The following DPYS variants were observed in gnomAD, a reference collection of about 807,000 sequenced individuals.
DPYS encodes dihydropyrimidine amidohydrolase.
In DPYS, 39 loss-of-function variants were observed where a neutral mutation model predicts 50.3. The observed-to-expected ratio is 0.78, with a 90% confidence interval of 0.60 to 1.01. The LOEUF (loss-of-function observed/expected upper bound fraction) is 1.01. Among genes scored for constraint, DPYS ranks in the 50% least tolerant of loss-of-function variants. The pLI is 0.00. For missense variants in DPYS, 659 were observed against 680.9 expected (o/e 0.97, Z 0.36); for synonymous variants, 245 against 250.7 (o/e 0.98, Z 0.22).
chr8:104,399,755 G>C (rs1374110422), intron 7 of DPYS, among the ~76,000 whole-genome samples: 1 of 148,970 alleles, frequency 6.7e-6, no homozygotes, highest in Non-Finnish European at 1.5e-5. Flanking sequence ...TGTAGTCCCA[G>C]GTACTTGGGA....
intron 4 of DPYS, among the ~76,000 whole-genome samples, chr8:104,440,047 A>T (rs747160501): frequency 4.6e-5 from 7 of 152,194 alleles, no homozygotes; most frequent in Non-Finnish European, 1.0e-4. Context: ...TATTATGACA[A>T]TTTTTTAAAA....
At chr8:104,390,135 T>C (rs1429611950) in intron 8 of DPYS, among the ~76,000 whole-genome samples, 1 of 152,206 alleles carries the variant, frequency 6.6e-6, no homozygotes, top group East Asian at 1.9e-4. Context: ...GGCCCTACCT[T>C]GGATCCACTT....
chr8:104,413,213 T>C (rs950073090), intron 7 of DPYS, among the ~76,000 whole-genome samples: 2 of 151,694 alleles, frequency 1.3e-5, no homozygotes, highest in Non-Finnish European at 2.9e-5. Context: ...GCAGTGAAAA[T>C]AAAAAAACCA....
At chr8:104,390,491 CTCTT>C (rs1034584390) in intron 8 of DPYS, among the ~76,000 whole-genome samples, 5 of 147,408 alleles carry the variant, frequency 3.4e-5, no homozygotes, top group Admixed American at 1.3e-4. Flanking sequence ...AGCTTCAGTT[CTCTT>C]TAACTTTTTT....
chr8:104,392,358 C>T (rs1811417507), intron 8 of DPYS, among the ~76,000 whole-genome samples: 1 of 152,184 alleles, frequency 6.6e-6, no homozygotes, highest in Admixed American at 6.5e-5. Flanking sequence ...CATTTTATCT[C>T]TTTCTTTTCT....
chr8:104,392,562 C>T (rs189935017), intron 8 of DPYS, among the ~76,000 whole-genome samples: 1 of 152,230 alleles, frequency 6.6e-6, no homozygotes, highest in African/African-American at 2.4e-5. Flanking sequence ...TCTGGAAATC[C>T]CGAACTGACC....
chr8:104,385,794 C>T (rs1350496468), intron 8 of DPYS, among the ~76,000 whole-genome samples: 1 of 152,194 alleles, frequency 6.6e-6, no homozygotes, highest in Non-Finnish European at 1.5e-5. Context: ...CCCTTCTTCT[C>T]TCTTTGCCCT....
intron 1 of DPYS, among the ~76,000 whole-genome samples, chr8:104,456,003 T>C (rs1588461009): frequency 6.6e-6 from 1 of 152,202 alleles, no homozygotes; most frequent in East Asian, 1.9e-4. Flanking sequence ...ACCACATGTA[T>C]GACGGTGGCC....
At chr8:104,451,622 A>C (rs1361698118) in intron 1 of DPYS, among the ~76,000 whole-genome samples, 6 of 152,236 alleles carry the variant, frequency 3.9e-5, no homozygotes, top group Non-Finnish European at 1.5e-5. Flanking sequence ...CTTCTGCAAA[A>C]AGAATGTCAT....
At chr8:104,433,074 G>A (rs958320249) in intron 4 of DPYS, among the ~76,000 whole-genome samples, 4 of 152,180 alleles carry the variant, frequency 2.6e-5, no homozygotes, top group African/African-American at 9.7e-5. Context: ...TGAAGACACA[G>A]GAAGAAGATG....
chr8:104,424,570 G>A (rs1053790208), intron 6 of DPYS, among the ~76,000 whole-genome samples, 181 bp from the exon 7 acceptor site: 5 of 152,134 alleles, frequency 3.3e-5, no homozygotes, highest in African/African-American at 1.2e-4. Flanking sequence ...AGATGATGGG[G>A]TAACATATGG....
intron 1 of DPYS, among the ~76,000 whole-genome samples, chr8:104,453,065 C>T (rs765970213): frequency 3.3e-5 from 5 of 152,142 alleles, no homozygotes; most frequent in Non-Finnish European, 5.9e-5. Context: ...CTTCCAGATA[C>T]ACCGGATGCC....
chr8:104,452,868 G>A (rs892577761), intron 1 of DPYS, among the ~76,000 whole-genome samples: 2 of 151,752 alleles, frequency 1.3e-5, no homozygotes, highest in African/African-American at 4.8e-5. Context: ...TAAAAATAAA[G>A]TGCTTAGTAC....
intron 4 of DPYS, among the ~76,000 whole-genome samples, chr8:104,432,500 C>T (rs990196636): frequency 6.6e-6 from 1 of 152,188 alleles, no homozygotes; most frequent in African/African-American, 2.4e-5. Context: ...GCCCTGGCCA[C>T]TAAATAGGAG....
chr8:104,429,442 G>C, intron 5 of DPYS, 103 bp downstream of exon 5: 2 of 1,505,894 alleles, frequency 1.3e-6, no homozygotes, highest in Non-Finnish European at 1.8e-6. Flanking sequence ...AAGTAGAAGA[G>C]AATACTGGGA....
chr8:104,418,609 T>C (rs1489829096), intron 7 of DPYS: 1 of 152,468 alleles, frequency 6.6e-6, no homozygotes, highest in Non-Finnish European at 1.5e-5. Context: ...CTCTCTGTAG[T>C]GCAATCCCCA....
intron 8 of DPYS, among the ~76,000 whole-genome samples, chr8:104,389,104 C>T (rs1429912732): frequency 2.0e-5 from 3 of 152,222 alleles, no homozygotes; most frequent in Non-Finnish European, 2.9e-5. Context: ...AGGAGACCAG[C>T]TGAGTTCAGG....
chr8:104,411,294 C>T (rs1444444168), intron 7 of DPYS, among the ~76,000 whole-genome samples: 2 of 152,298 alleles, frequency 1.3e-5, no homozygotes, highest in Admixed American at 6.5e-5. Context: ...TCATCCCCCT[C>T]GCCTCCACCA....
Position 104,380,294 on chromosome 8 carries a change from G to A in DPYS, c.*15-451C>T, listed in dbSNP as rs145401062. On this transcript the variant is annotated intron_variant, in intron 9 of 9. Transcript: ENST00000351513. Reference sequence around the variant, plus strand: ...GAAAACCAGACCGTTGTCAAACTGTGCCTCTCATTAACACAAATGTCTAAC... The same window carrying A: ...GAAAACCAGACCGTTGTCAAACTGTACCTCTCATTAACACAAATGTCTAAC... Among the ~76,000 whole-genome samples the A allele has an allele frequency of 2.6e-5, 4 of 152,288 alleles. No homozygotes were observed. The East Asian group carries it at 7.7e-4, about 29-fold the overall frequency.
Sources: allele counts gnomAD v4.1 joint callset (sites outside exome capture counted in the v4.1 genomes callset), GRCh38; gene constraint gnomAD v4.1.1; transcripts MANE v1.5; gene names NCBI Gene and HGNC (gene_info 2026-07-23, HGNC 2026-07-21).